PGCKA1: variants seen among roughly 807,000 people sequenced by gnomAD.
The protein encoded by PGCKA1 is PDCD10 and GCKIII kinases associated 1.
chr4:37,505,191 C>T, the PGCKA1 span, among the ~76,000 whole-genome samples: 475 of 152,248 alleles, frequency 3.1e-3, 2 homozygotes, highest in Middle Eastern at 0.017. Flanking sequence ...ATCTGTCCTT[C>T]GTTCTGTTGA....
At chr4:37,583,617 T>G in the PGCKA1 span, among the ~76,000 whole-genome samples, 2 of 151,946 alleles carry the variant, frequency 1.3e-5, no homozygotes, top group African/African-American at 4.8e-5. Flanking sequence ...TTTTTTATTT[T>G]TAGTGGAGAC....
the PGCKA1 span, among the ~76,000 whole-genome samples, chr4:37,543,607 C>G: frequency 6.6e-6 from 1 of 151,230 alleles, no homozygotes; most frequent in Admixed American, 6.6e-5. Context: ...TTTGGGAGGC[C>G]GAGGCAGGCG....
chr4:37,522,497 C>G, the PGCKA1 span, among the ~76,000 whole-genome samples: 30,750 of 151,736 alleles, frequency 0.2, 3,799 homozygotes, highest in African/African-American at 0.35. Context: ...TATGGCCCCG[C>G]ACAGGATCAG....
chr4:37,460,343 G>A, the PGCKA1 span: 7 of 257,386 alleles, frequency 2.7e-5, no homozygotes, highest in Non-Finnish European at 3.9e-5. Flanking sequence ...ATTCCTTTGG[G>A]TATATACCCA....
the PGCKA1 span, among the ~76,000 whole-genome samples, chr4:37,557,581 G>A: frequency 3.7e-4 from 57 of 152,108 alleles, 3 homozygotes; most frequent in Non-Finnish European, 1.5e-4. Context: ...TTTAATAATG[G>A]CACTGATTTT....
chr4:37,525,757 T>C, the PGCKA1 span, among the ~76,000 whole-genome samples: 5 of 152,230 alleles, frequency 3.3e-5, no homozygotes, highest in Admixed American at 1.3e-4. Flanking sequence ...TCGATGACTA[T>C]TCCCTGTTCA....
the PGCKA1 span, among the ~76,000 whole-genome samples, chr4:37,583,042 C>T: frequency 0.021 from 3,160 of 152,196 alleles, 102 homozygotes; most frequent in African/African-American, 0.07. Flanking sequence ...TTCCCTTTCC[C>T]TTTATGTATC....
the PGCKA1 span, among the ~76,000 whole-genome samples, chr4:37,454,267 G>A: frequency 2.6e-5 from 4 of 152,166 alleles, no homozygotes; most frequent in African/African-American, 9.7e-5. Flanking sequence ...GCAAAACTCG[G>A]GTGGGGGGAG....
At chr4:37,501,443 C>T in the PGCKA1 span, among the ~76,000 whole-genome samples, 12 of 152,142 alleles carry the variant, frequency 7.9e-5, 1 homozygote, top group East Asian at 1.5e-3. Context: ...TGCCTGATAA[C>T]GTGAGGTGGA....
the PGCKA1 span, among the ~76,000 whole-genome samples, chr4:37,538,041 C>T: frequency 0.016 from 2,449 of 151,136 alleles, 38 homozygotes; most frequent in Middle Eastern, 0.068. Context: ...ACCATCACCA[C>T]CATCATCATT....
At chr4:37,535,808 G>C in the PGCKA1 span, among the ~76,000 whole-genome samples, 1 of 152,196 alleles carries the variant, frequency 6.6e-6, no homozygotes, top group African/African-American at 2.4e-5. Flanking sequence ...ACATGGCAGC[G>C]CTGGGACTGG....
At chr4:37,569,192 T>G in the PGCKA1 span, among the ~76,000 whole-genome samples, 1 of 151,946 alleles carries the variant, frequency 6.6e-6, no homozygotes, top group African/African-American at 2.4e-5. Flanking sequence ...TTTCTTTATT[T>G]TTATTTTATT....
chr4:37,533,238 C>A, the PGCKA1 span, among the ~76,000 whole-genome samples: 1 of 152,074 alleles, frequency 6.6e-6, no homozygotes, highest in African/African-American at 2.4e-5. Flanking sequence ...ATGCACTTTA[C>A]ATGTTAATAT....
the PGCKA1 span, among the ~76,000 whole-genome samples, chr4:37,523,315 C>T: frequency 6.6e-6 from 1 of 152,060 alleles, no homozygotes; most frequent in East Asian, 1.9e-4. Flanking sequence ...CCCCAGATGC[C>T]CAGAGATGCT....
chr4:37,525,262 T>C, the PGCKA1 span, among the ~76,000 whole-genome samples: 3 of 152,210 alleles, frequency 2.0e-5, no homozygotes, highest in East Asian at 1.9e-4. Flanking sequence ...TGTGGAAAAA[T>C]TGAACCTAAA....
chr4:37,591,944 C>T, the PGCKA1 span: 2 of 152,196 alleles, frequency 1.3e-5, no homozygotes, highest in South Asian at 2.1e-4. Flanking sequence ...CGTGGTGGCT[C>T]ATGCCTGTAA....
the PGCKA1 span, among the ~76,000 whole-genome samples, chr4:37,509,395 C>T: frequency 7.2e-6 from 1 of 137,964 alleles, no homozygotes; most frequent in African/African-American, 2.8e-5. Context: ...TCCTCACATC[C>T]CAGACGGGGC....
chr4:37,520,108 A>G, the PGCKA1 span, among the ~76,000 whole-genome samples: 1 of 152,314 alleles, frequency 6.6e-6, no homozygotes, highest in Admixed American at 6.5e-5. Flanking sequence ...CCAGGGATAA[A>G]TGCCATGTGA....
At chr4:37,537,230 A>C in the PGCKA1 span, among the ~76,000 whole-genome samples, 1 of 152,198 alleles carries the variant, frequency 6.6e-6, no homozygotes. Flanking sequence ...TTGCACAGAA[A>C]TCTGTCCCTA....
Sources: allele counts gnomAD v4.1 joint callset (sites outside exome capture counted in the v4.1 genomes callset), GRCh38; gene constraint gnomAD v4.1.1; transcripts MANE v1.5; gene names NCBI Gene and HGNC (gene_info 2026-07-23, HGNC 2026-07-21).